Variants in SOS2 observed in about 807,000 individuals in gnomAD.
SOS2 encodes SOS Ras/Rho guanine nucleotide exchange factor 2.
Under a neutral mutation model 148.2 loss-of-function variants are expected in SOS2, and 65 were observed. That is an observed-to-expected ratio of 0.44 (90% confidence interval 0.36 to 0.54). SOS2 has a LOEUF of 0.54. SOS2 is among the 20% of genes least tolerant of loss of function. The pLI is 0.00. For missense variants in SOS2, 1,341 were observed against 1,590.2 expected (o/e 0.84, Z 2.67); for synonymous variants, 539 against 537.1 (o/e 1.00, Z -0.05).
Position 50,145,421 on chromosome 14 carries a change from A to C in SOS2, c.2504+56T>G. 2.6e-6 allele frequency: 4 copies of C among 1,568,274 alleles called. No homozygotes were observed. The Admixed American group carries it at 5.8e-5, about 23-fold the overall frequency. On this transcript the variant is annotated intron_variant, in intron 15 of 22. Coordinates refer to ENST00000216373, the MANE Select transcript of SOS2 (RefSeq NM_006939.4). ...TTATGAGTAGCCAGAATTTTAGCTTAAATATGACTTAATATTATGGCTATT... is the reference window on the plus strand; with the variant it reads ...TTATGAGTAGCCAGAATTTTAGCTTCAATATGACTTAATATTATGGCTATT...
chr14:50,157,532 T>C (rs1446596205), intron 11 of SOS2, among the ~76,000 whole-genome samples: 1 of 152,046 alleles, frequency 6.6e-6, no homozygotes, highest in African/African-American at 2.4e-5. Context: ...TTAACAATAT[T>C]TAAATAATTT....
intron 10 of SOS2, among the ~76,000 whole-genome samples, 184 bp from the exon 11 acceptor site, chr14:50,158,830 C>T (rs565495534): frequency 6.6e-6 from 1 of 152,060 alleles, no homozygotes; most frequent in Admixed American, 6.6e-5. Flanking sequence ...TAGAGAAATA[C>T]TGACATAGAG....
intron 1 of SOS2, among the ~76,000 whole-genome samples, chr14:50,210,555 T>G (rs1886835129): frequency 6.6e-6 from 1 of 152,140 alleles, no homozygotes; most frequent in Admixed American, 6.5e-5. Flanking sequence ...TATTAAACTT[T>G]AAAATTTAGG....
At chr14:50,215,643 T>A (rs1296802929) in intron 1 of SOS2, 1 of 185,214 alleles carries the variant, frequency 5.4e-6, no homozygotes, top group Non-Finnish European at 1.0e-5. Context: ...TGTTAGTGGG[T>A]GCAGCGCACC....
At chr14:50,198,984 T>C (rs565634248) in intron 4 of SOS2, among the ~76,000 whole-genome samples, 62 of 152,198 alleles carry the variant, frequency 4.1e-4, no homozygotes, top group African/African-American at 1.4e-3. Context: ...TGAAACCCTA[T>C]CTCTCCAAAA....
chr14:50,155,689 CTA>C (rs1884790118), intron 12 of SOS2, among the ~76,000 whole-genome samples: 1 of 152,120 alleles, frequency 6.6e-6, no homozygotes. Context: ...TCATGACAGT[CTA>C]TGTTATTTTT....
chr14:50,179,882 A>G (rs762749489), intron 7 of SOS2, among the ~76,000 whole-genome samples: 20 of 152,166 alleles, frequency 1.3e-4, no homozygotes, highest in Non-Finnish European at 2.4e-4. Context: ...CCTCATAGAA[A>G]AATCAGTATG....
chr14:50,219,400 C>T (rs1488689838), intron 1 of SOS2, among the ~76,000 whole-genome samples: 2 of 151,952 alleles, frequency 1.3e-5, no homozygotes, highest in African/African-American at 2.4e-5. Flanking sequence ...AATAATCATG[C>T]TGAAAGCCAG....
intron 4 of SOS2, among the ~76,000 whole-genome samples, chr14:50,191,732 G>C (rs1309805586): frequency 6.6e-6 from 1 of 152,162 alleles, no homozygotes; most frequent in East Asian, 1.9e-4. Flanking sequence ...CACCTAAAGA[G>C]GAAGTGTGCT....
chr14:50,186,210 T>G (rs953696919), intron 5 of SOS2, among the ~76,000 whole-genome samples: 1 of 152,114 alleles, frequency 6.6e-6, no homozygotes, highest in Non-Finnish European at 1.5e-5. Flanking sequence ...TTATAGTAGA[T>G]ACAGAGATAG....
chr14:50,181,992 T>TAAA (rs71118851), intron 6 of SOS2, among the ~76,000 whole-genome samples: 1 of 131,322 alleles, frequency 7.6e-6, no homozygotes, highest in Admixed American at 7.6e-5. Context: ...TACTTACCAC[T>TAAA]AAAAAAAAAA....
rs200021758 is a variant in SOS2 at position 50,160,379 on chromosome 14, C to CTTT, written c.1197-296_1197-294dup. Among the ~76,000 whole-genome samples the CTTT allele has an allele frequency of 1.3e-3, 101 of 78,884 alleles. 3 individuals are homozygous for CTTT. The highest frequency in any genetic ancestry group is 2.0e-3 in the South Asian group (4 of 1,998). 51.8% of individuals were successfully genotyped at this position (78,884 alleles called of 152,430 possible). A position where few individuals can be genotyped will look rare whatever the true frequency, so the allele number is the denominator to read the frequency against. On this transcript the variant is annotated intron_variant, in intron 9 of 22. Transcript: ENST00000216373. ...ATCCTAATAATATAACAATGCTAAT[C>CTTT]TTTTTTTTTTTTTTTTTTTTTTTTT... is the stretch of plus-strand genomic sequence containing the variant.
chr14:50,189,099 A>G (rs934150988), intron 4 of SOS2, among the ~76,000 whole-genome samples: 12 of 148,440 alleles, frequency 8.1e-5, no homozygotes, highest in East Asian at 1.9e-4. Flanking sequence ...ACACACACAC[A>G]CACGCACACA....
chr14:50,164,138 C>T (rs1885097250), intron 8 of SOS2, among the ~76,000 whole-genome samples: 1 of 152,070 alleles, frequency 6.6e-6, no homozygotes, highest in Non-Finnish European at 1.5e-5. Flanking sequence ...GTGTTCCAAA[C>T]ATCTTACACA....
chr14:50,184,200 G>C (rs1199437145), intron 5 of SOS2, among the ~76,000 whole-genome samples: 1 of 152,120 alleles, frequency 6.6e-6, no homozygotes, highest in Non-Finnish European at 1.5e-5. Flanking sequence ...GGATAAGACA[G>C]GTTCAAGCCC....
intron 4 of SOS2, among the ~76,000 whole-genome samples, chr14:50,198,752 G>T (rs1456303207): frequency 6.6e-6 from 1 of 152,110 alleles, no homozygotes; most frequent in Non-Finnish European, 1.5e-5. Context: ...ACTGTACCTT[G>T]GACTTACTAG....
At position 50,118,768 on chromosome 14, in the gene SOS2, G is replaced by A. The variant is rs778025485; in HGVS notation, c.3575C>T (p.Pro1192Leu). ...PPKVKPRVPV[P>L]TGAFDGPLHS... is the part of the protein sequence containing the mutation. Reference sequence around the variant, plus strand: ...CAGAGGCCCATCAAATGCACCAGTAGGAACAGGAACTCTGGGTTTTACCTT... The same window carrying A: ...CAGAGGCCCATCAAATGCACCAGTAAGAACAGGAACTCTGGGTTTTACCTT... Residue 1192 changes from proline (P) to leucine (L), a missense_variant, in exon 23 of 23, where the codon CCT becomes CTT. Pro to Leu is a moderately conservative substitution (Grantham distance 98, BLOSUM62 -3). Coordinates refer to ENST00000216373, the MANE Select transcript of SOS2 (RefSeq NM_006939.4). The A allele has an allele frequency of 6.2e-7, 1 of 1,608,056 alleles. No individual in the cohort carries two copies. The highest frequency in any genetic ancestry group is 8.5e-7 in the Non-Finnish European group (1 of 1,176,170).
chr14:50,179,515 G>A (rs1202403574), intron 7 of SOS2, among the ~76,000 whole-genome samples: 1 of 151,928 alleles, frequency 6.6e-6, no homozygotes, highest in East Asian at 1.9e-4. Flanking sequence ...ACAGGTGCAC[G>A]CCACCACACT....
chr14:50,198,426 G>A (rs1886383025), intron 4 of SOS2, among the ~76,000 whole-genome samples: 1 of 151,826 alleles, frequency 6.6e-6, no homozygotes, highest in Non-Finnish European at 1.5e-5. Context: ...CATGATGTAA[G>A]TGAAAAGTCA....
Sources: gnomAD v4.1 joint callset for allele counts (sites outside exome capture counted in the v4.1 genomes callset) on GRCh38, gnomAD v4.1.1 for gene constraint, MANE v1.5 for transcripts, NCBI Gene and HGNC (gene_info 2026-07-23, HGNC 2026-07-21) for gene names.